The following DSCAML1 variants were observed in gnomAD, a reference collection of about 807,000 sequenced individuals.
The protein encoded by DSCAML1 is cell adhesion molecule DSCAML1.
A neutral mutation model predicts 200.5 loss-of-function variants in DSCAML1; 38 were observed. The observed-to-expected ratio is 0.19, with a 90% CI of 0.15 to 0.25. DSCAML1 has a LOEUF of 0.25. Ranked by LOEUF, DSCAML1 falls within the 10% of genes least tolerant of loss-of-function variation. The pLI is 1.00. For synonymous variants in DSCAML1, 1,215 were observed against 1,165.0 expected (o/e 1.04, Z -0.87); for missense variants, 2,223 against 2,858.8 (o/e 0.78, Z 5.07).
At chr11:117,813,000 G>C (rs1467666495) in intron 1 of DSCAML1, among the ~76,000 whole-genome samples, 9 of 151,996 alleles carry the variant, frequency 5.9e-5, no homozygotes, top group Non-Finnish European at 1.2e-4. Flanking sequence ...CCTTCTGTCA[G>C]ACATAATTCC....
At chr11:117,618,291 C>A (rs1388903479) in intron 3 of DSCAML1, among the ~76,000 whole-genome samples, 1 of 152,200 alleles carries the variant, frequency 6.6e-6, no homozygotes, top group Non-Finnish European at 1.5e-5. Flanking sequence ...AGCTCGCTAC[C>A]ATCTAAAGGC....
intron 8 of DSCAML1, among the ~76,000 whole-genome samples, chr11:117,506,923 G>A (rs1259005065): frequency 1.3e-5 from 2 of 152,090 alleles, no homozygotes; most frequent in Admixed American, 6.5e-5. Flanking sequence ...TCTTCTGCAG[G>A]ACAACCAGTT....
At chr11:117,535,731 T>C (rs1273698143) in intron 3 of DSCAML1, among the ~76,000 whole-genome samples, 1 of 151,836 alleles carries the variant, frequency 6.6e-6, no homozygotes, top group Non-Finnish European at 1.5e-5. Context: ...GAAGTGCCAG[T>C]GTCGGGAGGT....
In DSCAML1 at chr11:117,626,209, C is replaced by T. The variant is rs954443935; in HGVS notation, c.512-93687G>A. On this transcript the variant is annotated intron_variant, in intron 3 of 32. Coordinates refer to ENST00000651296, the MANE Select transcript of DSCAML1 (RefSeq NM_020693.4). ...CCCACTCTTGCTGAGACCCCCCCCCCTCCTTCTTCTGGCATGAGACCTGGT... is the reference window on the plus strand; with the variant it reads ...CCCACTCTTGCTGAGACCCCCCCCCTTCCTTCTTCTGGCATGAGACCTGGT... Among the ~76,000 whole-genome samples, 3 of 139,688 alleles carry T rather than the reference C, an allele frequency of 2.1e-5. No homozygotes were observed. In the Admixed American group the frequency reaches 2.2e-4, roughly 10 times the overall value. 91.6% of individuals were successfully genotyped at this position (139,688 alleles called of 152,430 possible). A position where few individuals can be genotyped will look rare whatever the true frequency, so the allele number is the denominator to read the frequency against.
chr11:117,795,521 C>A (rs1037268315), intron 1 of DSCAML1, among the ~76,000 whole-genome samples: 1 of 151,740 alleles, frequency 6.6e-6, no homozygotes, highest in Non-Finnish European at 1.5e-5. Context: ...GAGTGCGATG[C>A]GGGGGGCAAG....
chr11:117,572,673 C>T (rs563809125), intron 3 of DSCAML1, among the ~76,000 whole-genome samples: 1 of 152,112 alleles, frequency 6.6e-6, no homozygotes, highest in Non-Finnish European at 1.5e-5. Flanking sequence ...TGGGGGGAGG[C>T]GGGGATATGC....
chr11:117,519,288 G>C (rs764708075), intron 6 of DSCAML1, among the ~76,000 whole-genome samples: 12 of 152,176 alleles, frequency 7.9e-5, no homozygotes, highest in African/African-American at 1.2e-4. Context: ...CTCAGGAGGG[G>C]GTGGTGGCGC....
At chr11:117,624,725 C>A (rs766254257) in intron 3 of DSCAML1, among the ~76,000 whole-genome samples, 13 of 152,156 alleles carry the variant, frequency 8.5e-5, no homozygotes, top group Non-Finnish European at 1.5e-4. Flanking sequence ...CTCACTCCCA[C>A]GGAGAGACCT....
chr11:117,736,388 G>A (rs986848978), intron 3 of DSCAML1, among the ~76,000 whole-genome samples: 1 of 152,204 alleles, frequency 6.6e-6, no homozygotes, highest in African/African-American at 2.4e-5. Flanking sequence ...AGCCACCCAG[G>A]GGTGAGAGCC....
intron 3 of DSCAML1, among the ~76,000 whole-genome samples, chr11:117,661,424 G>T (rs2137645267): frequency 6.6e-6 from 1 of 152,288 alleles, no homozygotes; most frequent in South Asian, 2.1e-4. Flanking sequence ...TTACTGGCTG[G>T]GTTTTGCATT....
chr11:117,462,105 G>A (rs1036898742), intron 17 of DSCAML1, among the ~76,000 whole-genome samples: 7 of 152,206 alleles, frequency 4.6e-5, no homozygotes, highest in Admixed American at 6.5e-5. Context: ...CTTGTTCCAA[G>A]CTAAAGGGAA....
chr11:117,478,256 G>T (rs1214797453), intron 14 of DSCAML1, among the ~76,000 whole-genome samples: 1 of 152,190 alleles, frequency 6.6e-6, no homozygotes, highest in Non-Finnish European at 1.5e-5. Flanking sequence ...GGAGGAACGG[G>T]GGGAGGGGCA....
chr11:117,562,408 G>T (rs1223800989), intron 3 of DSCAML1, among the ~76,000 whole-genome samples: 2 of 152,218 alleles, frequency 1.3e-5, no homozygotes, highest in Admixed American at 6.5e-5. Context: ...CGTCTTCTGT[G>T]TGCCTTTCCA....
chr11:117,483,514 G>A (rs998157384), intron 11 of DSCAML1, among the ~76,000 whole-genome samples: 1 of 152,228 alleles, frequency 6.6e-6, no homozygotes, highest in Non-Finnish European at 1.5e-5. Flanking sequence ...GTGATCTCAT[G>A]TTTGAAACTC....
At chr11:117,641,402 T>C (rs1401223549) in intron 3 of DSCAML1, among the ~76,000 whole-genome samples, 1 of 152,244 alleles carries the variant, frequency 6.6e-6, no homozygotes, top group Non-Finnish European at 1.5e-5. Context: ...TTATGGTTAG[T>C]TGCCTGCATC....
chr11:117,679,374 C>G (rs1288156406), intron 3 of DSCAML1, among the ~76,000 whole-genome samples: 1 of 152,218 alleles, frequency 6.6e-6, no homozygotes, highest in Non-Finnish European at 1.5e-5. Context: ...AGGGGAACTT[C>G]CAGGAGGAGA....
upstream of DSCAML1, among the ~76,000 whole-genome samples, chr11:117,800,018 G>A (rs994528356): frequency 3.3e-5 from 5 of 152,224 alleles, no homozygotes; most frequent in Non-Finnish European, 5.9e-5. Flanking sequence ...GCAGAAACAC[G>A]GAAGGTGCAC....
At chr11:117,625,632 C>T (rs1376781435) in intron 3 of DSCAML1, among the ~76,000 whole-genome samples, 2 of 152,202 alleles carry the variant, frequency 1.3e-5, no homozygotes, top group East Asian at 3.9e-4. Flanking sequence ...TGAGGTAGGG[C>T]TGGCCTTGAC....
chr11:117,490,554 G>A (rs2137245447), intron 11 of DSCAML1, among the ~76,000 whole-genome samples: 1 of 152,316 alleles, frequency 6.6e-6, no homozygotes, highest in Non-Finnish European at 1.5e-5. Flanking sequence ...AGCTGGGGCA[G>A]GCCCGCTCCT....
Sources: allele counts gnomAD v4.1 joint callset (sites outside exome capture counted in the v4.1 genomes callset), GRCh38; gene constraint gnomAD v4.1.1; transcripts MANE v1.5; gene names NCBI Gene and HGNC (gene_info 2026-07-23, HGNC 2026-07-21).